DHX32: variants seen among roughly 807,000 people sequenced by gnomAD.
The protein encoded by DHX32 is DEAH-box helicase 32 (putative).
In DHX32, 51 loss-of-function variants were observed where a neutral mutation model predicts 70.0. The observed-to-expected ratio is 0.73, with a 90% CI of 0.58 to 0.92. DHX32 has a LOEUF of 0.92. DHX32 is among the 40% of genes least tolerant of loss of function. DHX32 has a pLI of 0.00. For missense variants in DHX32, 762 were observed against 891.8 expected (o/e 0.85, Z 1.85); for synonymous variants, 310 against 315.3 (o/e 0.98, Z 0.18).
intron 3 of DHX32, 106 bp from the exon 4 acceptor site, chr10:125,854,309 C>G: frequency 2.5e-6 from 3 of 1,177,194 alleles, no homozygotes; most frequent in Non-Finnish European, 3.4e-6. Flanking sequence ...GTAACAGATA[C>G]AGGGAAAGAA....
In DHX32 at chr10:125,839,014, C is replaced by A. The variant is rs780042201; in HGVS notation, c.1868G>T (p.Gly623Val). ...ACCCCTTCTCACCTGCATAAAGTAA[C>A]CGGACAGAAGAGCTTTCTTTATGTT... is the stretch of plus-strand genomic sequence containing the variant. ...TLNIKKALLS[G>V]YFMQIARDVD... Residue 623 changes from glycine to valine, a missense_variant, in exon 9 of 11, where the codon GGT becomes GTT. Physicochemically the swap from Gly to Val is moderately radical, Grantham distance 109. This residue lies in a region of DHX32 where 366 missense variants were observed against 402.6 expected (regional missense o/e 0.91). Transcript: ENST00000284690. 2 of 1,613,770 alleles carry A rather than the reference C, an allele frequency of 1.2e-6. No homozygotes were observed. Among genetic ancestry groups the A allele is most frequent in the East Asian group, 4.5e-5 (2 of 44,882 alleles).
intron 1 of DHX32, among the ~76,000 whole-genome samples, chr10:125,870,783 G>A (rs1395379575): frequency 6.6e-6 from 1 of 152,118 alleles, no homozygotes; most frequent in Non-Finnish European, 1.5e-5. Flanking sequence ...GTTGCAGTGA[G>A]CTGAGATCAC....
intron 2 of DHX32, among the ~76,000 whole-genome samples, chr10:125,862,559 A>T (rs1029565382): frequency 1.3e-5 from 2 of 152,036 alleles, no homozygotes; most frequent in Admixed American, 6.6e-5. Flanking sequence ...AAGATTGAGG[A>T]GGTTTATGTG....
intron 6 of DHX32, among the ~76,000 whole-genome samples, chr10:125,850,706 C>G (rs113184398): frequency 2.0e-5 from 3 of 152,334 alleles, no homozygotes; most frequent in African/African-American, 7.2e-5. Flanking sequence ...GTTGCCTTAT[C>G]TAACGTGCCA....
At chr10:125,838,507 C>A in intron 9 of DHX32, 120 bp from the exon 10 acceptor site, 1 of 935,536 alleles carries the variant, frequency 1.1e-6, no homozygotes, top group Non-Finnish European at 1.5e-6. Context: ...CTAACGTTTG[C>A]CACTCATGTT....
At chr10:125,877,248 T>C (rs1390899971) in intron 1 of DHX32, among the ~76,000 whole-genome samples, 1 of 152,208 alleles carries the variant, frequency 6.6e-6, no homozygotes, top group African/African-American at 2.4e-5. Context: ...CATCGTTAGC[T>C]TCTCGTAATG....
chr10:125,854,276 C>CA, intron 3 of DHX32, 73 bp from the exon 4 acceptor site: 1 of 1,456,158 alleles, frequency 6.9e-7, no homozygotes, highest in Non-Finnish European at 9.0e-7. Flanking sequence ...GTCTGAATTA[C>CA]AAAAAATTTT....
intron 1 of DHX32, among the ~76,000 whole-genome samples, chr10:125,876,777 A>T (rs1391617351): frequency 6.6e-6 from 1 of 152,220 alleles, no homozygotes; most frequent in Non-Finnish European, 1.5e-5. Context: ...ATAAAATACA[A>T]TGCAATTTTA....
chr10:125,891,833 C>A lies in DHX32; in HGVS notation c.-248+4385G>T, dbSNP rs148073314. 2.0e-5 allele frequency among the ~76,000 whole-genome samples: 3 copies of A among 152,182 alleles called. No individual in the cohort carries two copies. The East Asian group carries it at 5.8e-4, about 29-fold the overall frequency. On this transcript the variant is annotated intron_variant, in intron 1 of 2. Coordinates refer to the DHX32 transcript ENST00000415732. ...TCTGACCACTGGTCTTTAGTCTCCA[C>A]GGGTTCTTCCACAATCAGCCCCTCC...
rs1051568601 is a variant in DHX32 at position 125,866,621 on chromosome 10, G to A, written c.476+369C>T. On this transcript the variant is annotated intron_variant, in intron 2 of 10. Transcript: ENST00000284690. The surrounding 1 kb of genome is among the most constrained non-coding windows in gnomAD (Gnocchi z 4.8). ...AGCACAGGGAGGGGCAGGTGTACAGGCACAGGGTGTGGAAAGCACAGGGCA... is the reference window on the plus strand; with the variant it reads ...AGCACAGGGAGGGGCAGGTGTACAGACACAGGGTGTGGAAAGCACAGGGCA... Among the ~76,000 whole-genome samples, 3 of 152,360 alleles carry A rather than the reference G, an allele frequency of 2.0e-5. No individual in the cohort carries two copies. Among genetic ancestry groups the A allele is most frequent in the African/African-American group, 7.2e-5 (3 of 41,590 alleles).
At chr10:125,861,264 G>A (rs1468779047) in intron 2 of DHX32, among the ~76,000 whole-genome samples, 19 of 151,566 alleles carry the variant, frequency 1.3e-4, no homozygotes, top group Admixed American at 1.2e-3. Context: ...TTGGGAGGCC[G>A]AGGCAGGCGG....
chr10:125,882,682 A>G (rs556267821), upstream of DHX32, among the ~76,000 whole-genome samples: 1 of 152,328 alleles, frequency 6.6e-6, no homozygotes, highest in South Asian at 2.1e-4. Context: ...CAAAATTAAA[A>G]TGGAATTACA....
intron 7 of DHX32, chr10:125,841,326 C>T (rs2134026963): frequency 6.2e-7 from 1 of 1,614,120 alleles, no homozygotes; most frequent in Non-Finnish European, 8.5e-7. Context: ...CGATACAGCA[C>T]AATGGTTGGT....
intron 6 of DHX32, among the ~76,000 whole-genome samples, chr10:125,845,571 G>A (rs1944007153): frequency 1.3e-5 from 2 of 152,204 alleles, no homozygotes; most frequent in Admixed American, 1.3e-4. Context: ...CAAAGCCAGG[G>A]CCATTCCCTC....
chr10:125,845,988 C>G (rs1944012497), intron 6 of DHX32, among the ~76,000 whole-genome samples: 1 of 152,238 alleles, frequency 6.6e-6, no homozygotes, highest in Non-Finnish European at 1.5e-5. Context: ...CACATCACTC[C>G]CACCGCCCAG....
At chr10:125,876,244 CA>C (rs1944283207) in intron 1 of DHX32, among the ~76,000 whole-genome samples, 1 of 152,032 alleles carries the variant, frequency 6.6e-6, no homozygotes, top group Non-Finnish European at 1.5e-5. Flanking sequence ...CTCTAGCCTC[CA>C]AATTGACAAA....
Position 125,881,042 on chromosome 10 carries a change from G to A in DHX32, c.-218C>T, listed in dbSNP as rs989296187. The A allele has an allele frequency of 1.3e-5, 6 of 453,076 alleles. No homozygotes were observed. The highest frequency in any genetic ancestry group is 3.9e-5 in the Admixed American group (1 of 25,736). The allele number at this position is 453,076 out of a possible 1,614,324, so 28.1% of individuals were successfully genotyped here. A position where few individuals can be genotyped will look rare whatever the true frequency, so the allele number is the denominator to read the frequency against. On this transcript the variant is annotated 5_prime_UTR_variant, in exon 1 of 11. Coordinates refer to ENST00000284690, the MANE Select transcript of DHX32 (RefSeq NM_018180.3). ...GTGCTGGCTCACTACAGCACTCTTC[G>A]GCATTGTAAATGATTGTCAATAAAC...
Position 125,853,898 on chromosome 10 carries a change from A to G in DHX32, c.1092+63T>C, listed in dbSNP as rs183659908. The G allele has an allele frequency of 2.4e-4, 366 of 1,557,380 alleles. 1 individual carries two copies. In the African/African-American group the frequency reaches 4.5e-3, roughly 19 times the overall value. Reference sequence around the variant, plus strand: ...ACTTCCTGATCAGTAAAATGGTAGGAAACTGAGAAACTAGTGCTTGACAAC... The same window carrying G: ...ACTTCCTGATCAGTAAAATGGTAGGGAACTGAGAAACTAGTGCTTGACAAC... On this transcript the variant is annotated intron_variant, in intron 4 of 10. Transcript: ENST00000284690.
rs776521553 is a variant in DHX32, at chr10:125,880,569, C to T, written c.256G>A (p.Asp86Asn). The T allele has an allele frequency of 4.8e-5, 78 of 1,610,896 alleles. No individual in the cohort carries two copies. The highest frequency in any genetic ancestry group is 6.7e-5 in the Admixed American group (4 of 59,790). ...TGAGCGCTCTTACCACATTTAGCAT[C>T]TCCTGAAACAATCACGATTTGATTT... Reference protein sequence around the residue: ...LQNQIVIVSGDAKCGKSAQVP... With the variant: ...LQNQIVIVSGNAKCGKSAQVP... Residue 86 changes from aspartate (D) to asparagine (N), a missense_variant, in exon 1 of 11, where the codon GAT becomes AAT. Coordinates refer to ENST00000284690, the MANE Select transcript of DHX32 (RefSeq NM_018180.3).
Sources: gnomAD v4.1 joint callset for allele counts (sites outside exome capture counted in the v4.1 genomes callset) on GRCh38, gnomAD v4.1.1 for gene constraint, gnomAD v4.1.1 regional missense constraint, Gnocchi (gnomAD v3.1) non-coding constraint, MANE v1.5 for transcripts, NCBI Gene and HGNC (gene_info 2026-07-23, HGNC 2026-07-21) for gene names.